The following GPC5 variants were observed in gnomAD, a reference collection of about 807,000 sequenced individuals.
GPC5 encodes glypican-5.
Under a neutral mutation model 53.9 loss-of-function variants are expected in GPC5, and 47 were observed. The observed-to-expected ratio is 0.87, with a 90% CI of 0.69 to 1.11. GPC5 has a LOEUF of 1.11. GPC5 is among the 50% of genes most tolerant of loss of function. The pLI is 0.00. For synonymous variants in GPC5, 286 were observed against 263.3 expected, an observed-to-expected ratio of 1.09 and a Z score of -0.84; for missense variants, 748 against 713.1, an observed-to-expected ratio of 1.05 and a Z score of -0.56.
intron 2 of GPC5, among the ~76,000 whole-genome samples, chr13:91,600,534 T>C (rs561132230): frequency 2.0e-5 from 3 of 152,168 alleles, no homozygotes; most frequent in African/African-American, 7.2e-5. Flanking sequence ...CAATTATTCT[T>C]CAATAAATCT....
intron 6 of GPC5, among the ~76,000 whole-genome samples, chr13:92,003,727 T>G (rs2040578554): frequency 6.6e-6 from 1 of 152,212 alleles, no homozygotes; most frequent in Non-Finnish European, 1.5e-5. Context: ...TCTTGGTAAT[T>G]AAACAAGCAT....
chr13:92,173,306 A>T (rs1464545858), intron 7 of GPC5, among the ~76,000 whole-genome samples: 1 of 152,098 alleles, frequency 6.6e-6, no homozygotes, highest in East Asian at 1.9e-4. Flanking sequence ...TTTTCCGCTT[A>T]GGTGTGTCGA....
At chr13:92,431,192 G>A (rs1269674708) in intron 7 of GPC5, among the ~76,000 whole-genome samples, 1 of 152,042 alleles carries the variant, frequency 6.6e-6, no homozygotes, top group East Asian at 1.9e-4. Context: ...CATATTTCTA[G>A]GTATTAGATA....
intron 5 of GPC5, among the ~76,000 whole-genome samples, chr13:91,826,446 G>A (rs989676558): frequency 1.3e-5 from 2 of 151,870 alleles, no homozygotes; most frequent in Non-Finnish European, 2.9e-5. Flanking sequence ...ATAAGTCAGG[G>A]AGCATATTAA....
intron 2 of GPC5, among the ~76,000 whole-genome samples, chr13:91,547,739 T>C (rs1419040552): frequency 6.6e-6 from 1 of 151,990 alleles, no homozygotes; most frequent in Non-Finnish European, 1.5e-5. Context: ...CAACAAAATA[T>C]CAAATTGAAT....
chr13:92,746,704 T>A (rs1055969105), intron 7 of GPC5, among the ~76,000 whole-genome samples: 2 of 152,116 alleles, frequency 1.3e-5, no homozygotes, highest in African/African-American at 4.8e-5. Flanking sequence ...GACAACACAA[T>A]ATCCTGATGT....
chr13:91,821,608 C>G (rs2038496742), intron 5 of GPC5, among the ~76,000 whole-genome samples: 1 of 152,000 alleles, frequency 6.6e-6, no homozygotes, highest in South Asian at 2.1e-4. Context: ...AAGAGGGTTT[C>G]CCTCTATTTT....
Position 92,159,870 on chromosome 13 carries a change from G to A in GPC5, c.1561+14881G>A, listed in dbSNP as rs373313213. 1.6e-4 allele frequency among the ~76,000 whole-genome samples: 24 copies of A among 151,242 alleles called. No homozygotes were observed. In the South Asian group the frequency reaches 5.1e-3, roughly 32 times the overall value. ...GCCCACCTAGGCCTCCCAAAGTGCT[G>A]GGATTACAGGAGTGAGCCACCGAGC... On this transcript the variant is annotated intron_variant, in intron 7 of 7. Coordinates refer to ENST00000377067, the MANE Select transcript of GPC5 (RefSeq NM_004466.6).
chr13:91,814,080 G>A (rs1258379945), intron 5 of GPC5, among the ~76,000 whole-genome samples: 2 of 151,370 alleles, frequency 1.3e-5, no homozygotes, highest in East Asian at 2.0e-4. Flanking sequence ...CTACAGGCAC[G>A]TGCCACCACG....
At chr13:92,342,505 G>T (rs1428934998) in intron 7 of GPC5, among the ~76,000 whole-genome samples, 5 of 152,058 alleles carry the variant, frequency 3.3e-5, no homozygotes, top group African/African-American at 1.2e-4. Context: ...ACCTGGGAAG[G>T]CTTGTGCACC....
At chr13:92,538,939 G>A (rs868692985) in intron 7 of GPC5, among the ~76,000 whole-genome samples, 1 of 41,650 alleles carries the variant, frequency 2.4e-5, no homozygotes. Flanking sequence ...TATATACCTT[G>A]TATATATATA....
At chr13:92,297,626 A>T (rs916231935) in intron 7 of GPC5, among the ~76,000 whole-genome samples, 1 of 152,008 alleles carries the variant, frequency 6.6e-6, no homozygotes, top group Non-Finnish European at 1.5e-5. Flanking sequence ...AACTAATCTG[A>T]TGGGGACTTG....
intron 5 of GPC5, among the ~76,000 whole-genome samples, chr13:91,869,942 T>C (rs1457790484): frequency 3.9e-5 from 6 of 152,032 alleles, no homozygotes; most frequent in Admixed American, 1.3e-4. Flanking sequence ...CATGATACAA[T>C]CACCTCCCAC....
At position 92,033,074 on chromosome 13, in the gene GPC5, T is replaced by TGTGTGTGC. The variant is rs1491301836; in HGVS notation, c.1402-111755_1402-111754insTGTGTGCG. Among the ~76,000 whole-genome samples the TGTGTGTGC allele has an allele frequency of 4.8e-4, 71 of 148,898 alleles. No homozygotes were observed. The East Asian group carries it at 8.7e-3, about 18-fold the overall frequency. ...GTGTGTGTGTGTGTGTGTGTGTGTG[T>TGTGTGTGC]GCTTCTCATTGAACCATATCAGTTT... On this transcript the variant is annotated intron_variant, in intron 6 of 7. Transcript: ENST00000377067.
chr13:92,425,824 G>A (rs769875680), intron 7 of GPC5, among the ~76,000 whole-genome samples: 3 of 151,910 alleles, frequency 2.0e-5, no homozygotes, highest in Non-Finnish European at 4.4e-5. Context: ...TAGCTATTTT[G>A]TAGTTTATAT....
At chr13:92,316,554 A>C (rs1432590094) in intron 7 of GPC5, among the ~76,000 whole-genome samples, 1 of 152,162 alleles carries the variant, frequency 6.6e-6, no homozygotes, top group African/African-American at 2.4e-5. Flanking sequence ...AAAGTACAAT[A>C]AAACTAAGGA....
At chr13:92,726,929 A>G (rs917086549) in intron 7 of GPC5, among the ~76,000 whole-genome samples, 8 of 151,532 alleles carry the variant, frequency 5.3e-5, no homozygotes, top group East Asian at 1.9e-4. Context: ...TGTGAGAGCT[A>G]TAATTCCAAA....
chr13:92,678,371 T>C (rs1355297493), intron 7 of GPC5, among the ~76,000 whole-genome samples: 2 of 152,170 alleles, frequency 1.3e-5, no homozygotes, highest in Admixed American at 6.6e-5. Context: ...CATAAAGAGT[T>C]CTGGACATGG....
At chr13:92,562,587 G>T (rs1286185485) in intron 7 of GPC5, among the ~76,000 whole-genome samples, 2 of 152,042 alleles carry the variant, frequency 1.3e-5, no homozygotes, top group Non-Finnish European at 2.9e-5. Flanking sequence ...CTAAAACACA[G>T]TGAAGATGAC....
Sources: gnomAD v4.1 joint callset for allele counts (sites outside exome capture counted in the v4.1 genomes callset) on GRCh38, gnomAD v4.1.1 for gene constraint, MANE v1.5 for transcripts, NCBI Gene and HGNC (gene_info 2026-07-23, HGNC 2026-07-21) for gene names.